NCOA7: variants seen among roughly 807,000 people sequenced by gnomAD.
The protein encoded by NCOA7 is 140 kDa estrogen receptor-associated protein.
NCOA7 carries 45 observed loss-of-function variants against 104.3 expected under a neutral mutation model. That is an observed-to-expected ratio of 0.43 (90% CI 0.34 to 0.55). The LOEUF is 0.55. NCOA7 is among the 20% of genes least tolerant of loss of function. NCOA7 has a pLI of 0.02. For missense variants in NCOA7, 1,041 were observed against 1,119.7 expected (o/e 0.93, Z 1.00); for synonymous variants, 398 against 402.3 (o/e 0.99, Z 0.13).
intron 3 of NCOA7, among the ~76,000 whole-genome samples, chr6:125,870,761 A>T (rs1782823677): frequency 6.6e-6 from 1 of 152,082 alleles, no homozygotes; most frequent in Admixed American, 6.6e-5. Context: ...CAGATGCAGG[A>T]TCTTAGAGTC....
chr6:125,824,791 C>T (rs1056087492), intron 2 of NCOA7, among the ~76,000 whole-genome samples: 3 of 152,104 alleles, frequency 2.0e-5, no homozygotes, highest in African/African-American at 7.2e-5. Context: ...CGGAGTCTTG[C>T]TCTGTTGCCC....
At chr6:125,883,801 C>A (rs1449160497) in intron 7 of NCOA7, among the ~76,000 whole-genome samples, 1 of 150,498 alleles carries the variant, frequency 6.6e-6, no homozygotes, top group African/African-American at 2.4e-5. Flanking sequence ...CTCACTGCAT[C>A]CTCTGCCTCC....
At chr6:125,781,811 G>C (rs976093971) in intron 1 of NCOA7, among the ~76,000 whole-genome samples, 1 of 152,208 alleles carries the variant, frequency 6.6e-6, no homozygotes, top group Non-Finnish European at 1.5e-5. Context: ...AGCTTCTTCT[G>C]TATCTCCCAG....
chr6:125,904,396 A>G (rs1477703675), intron 10 of NCOA7, among the ~76,000 whole-genome samples: 1 of 152,118 alleles, frequency 6.6e-6, no homozygotes, highest in Non-Finnish European at 1.5e-5. Context: ...TCCTTTTTAC[A>G]GAATTCTTTG....
chr6:125,787,931 G>A (rs1774545816), upstream of NCOA7, among the ~76,000 whole-genome samples: 1 of 152,068 alleles, frequency 6.6e-6, no homozygotes, highest in Non-Finnish European at 1.5e-5. Flanking sequence ...CATTCTTTAT[G>A]GATAAAGCAT....
rs79839491 is a variant in NCOA7, at chr6:125,837,305, G to A, written c.51-17715G>A. Among the ~76,000 whole-genome samples the A allele has an allele frequency of 1.6e-3, 238 of 152,136 alleles. 1 individual carries two copies. The highest frequency in any genetic ancestry group is 5.3e-3 in the African/African-American group (219 of 41,510). On this transcript the variant is annotated intron_variant, in intron 2 of 15. Transcript: ENST00000392477. ...TTAAGGCATCTTCAGAAAAGTACACGTGTGTCACCTGTGTATAACCAGCCA... is the reference window on the plus strand; with the variant it reads ...TTAAGGCATCTTCAGAAAAGTACACATGTGTCACCTGTGTATAACCAGCCA...
At chr6:125,826,207 G>A (rs143849337) in intron 2 of NCOA7, among the ~76,000 whole-genome samples, 1 of 152,026 alleles carries the variant, frequency 6.6e-6, no homozygotes, top group Non-Finnish European at 1.5e-5. Flanking sequence ...TGTGTCTGTA[G>A]TCCCAGCTAC....
intron 12 of NCOA7, 107 bp from the exon 13 acceptor site, chr6:125,922,571 ATGTG>A: frequency 8.2e-7 from 1 of 1,226,220 alleles, no homozygotes; most frequent in Non-Finnish European, 1.1e-6. Context: ...GAGGGGCACT[ATGTG>A]AGTGTATGAT....
At chr6:125,871,998 GAAAAA>G (rs530879162) in intron 3 of NCOA7, among the ~76,000 whole-genome samples, 4 of 89,762 alleles carry the variant, frequency 4.5e-5, no homozygotes, top group African/African-American at 1.1e-4. Flanking sequence ...CCCTGTCTCA[GAAAAA>G]AAAAAAAAAA....
chr6:125,829,360 T>A (rs2128589702), intron 2 of NCOA7, among the ~76,000 whole-genome samples: 1 of 152,348 alleles, frequency 6.6e-6, no homozygotes, highest in East Asian at 1.9e-4. Flanking sequence ...TAGGAATTTT[T>A]AAAATAAACT....
intron 3 of NCOA7, among the ~76,000 whole-genome samples, chr6:125,858,109 T>A (rs1271207758): frequency 6.6e-6 from 1 of 152,138 alleles, no homozygotes. Flanking sequence ...TGCATTGTTA[T>A]CATGGATGTA....
intron 2 of NCOA7, among the ~76,000 whole-genome samples, chr6:125,850,055 G>T (rs747747319): frequency 3.9e-5 from 6 of 152,138 alleles, no homozygotes; most frequent in Non-Finnish European, 7.4e-5. Context: ...TAACAAGATA[G>T]ATATTGACGT....
At chr6:125,928,359 C>G (rs1788222009) in intron 15 of NCOA7, 112 bp downstream of exon 15, 1 of 973,264 alleles carries the variant, frequency 1.0e-6, no homozygotes, top group Non-Finnish European at 1.6e-6. Context: ...TTAGCTAGTC[C>G]ATGTGCTTAG....
intron 1 of NCOA7, among the ~76,000 whole-genome samples, chr6:125,801,604 G>T (rs1387202436): frequency 6.6e-6 from 1 of 152,220 alleles, no homozygotes; most frequent in Non-Finnish European, 1.5e-5. Context: ...GGTGTCAGCA[G>T]GGCCGTGTTC....
In NCOA7 at chr6:125,808,110, G is replaced by A. The variant is rs752292; in HGVS notation, c.-64-7181G>A. Among the ~76,000 whole-genome samples the A allele has an allele frequency of 7.4e-3, 1,132 of 152,220 alleles. 10 individuals are homozygous for A. The highest frequency in any genetic ancestry group is 0.024 in the Middle Eastern group (7 of 294). ...GCCAGCATTCCCTGAATGTCCTCTC[G>A]TCTACCAGCCCTTGCACTCCAGCCT... On this transcript the variant is annotated intron_variant, in intron 1 of 15. Coordinates refer to ENST00000392477, the MANE Select transcript of NCOA7 (RefSeq NM_181782.5).
chr6:125,855,650 A>AAAAAAC (rs768036852), intron 3 of NCOA7: 2 of 153,156 alleles, frequency 1.3e-5, no homozygotes, highest in East Asian at 3.8e-4. Flanking sequence ...TGTTTTGTTA[A>AAAAAAC]AAAAACAAAA....
chr6:125,924,894 T>C (rs908209242), intron 13 of NCOA7, among the ~76,000 whole-genome samples: 4 of 152,184 alleles, frequency 2.6e-5, no homozygotes, highest in African/African-American at 9.7e-5. Context: ...CCTGTATTTC[T>C]TATCTCCCAC....
rs80053342 is a variant in NCOA7, at chr6:125,907,175, G to A, written c.2097-8158G>A. 4.7e-3 allele frequency among the ~76,000 whole-genome samples: 721 copies of A among 152,304 alleles called. 8 individuals are homozygous for A. Among genetic ancestry groups the A allele is most frequent in the African/African-American group, 0.016 (672 of 41,566 alleles). ...GTGAGAGAATGAGGGGATATTATGC[G>A]GGAGGCTACTGTTGAGGGAAATAGG... On this transcript the variant is annotated intron_variant, in intron 10 of 15. Transcript: ENST00000392477.
chr6:125,920,598 G>A (rs570472324), intron 11 of NCOA7, among the ~76,000 whole-genome samples: 115 of 152,186 alleles, frequency 7.6e-4, no homozygotes, highest in Middle Eastern at 3.4e-3. Context: ...GGAGATAGGG[G>A]TCCCATCATG....
Sources: allele counts gnomAD v4.1 joint callset (sites outside exome capture counted in the v4.1 genomes callset), GRCh38; gene constraint gnomAD v4.1.1; transcripts MANE v1.5; gene names NCBI Gene and HGNC (gene_info 2026-07-23, HGNC 2026-07-21).